ARHGAP24: variants seen among roughly 807,000 people sequenced by gnomAD.
ARHGAP24 encodes rho GTPase-activating protein 24.
Under a neutral mutation model 76.4 loss-of-function variants are expected in ARHGAP24, and 50 were observed. That is an observed-to-expected ratio of 0.65 (90% confidence interval 0.52 to 0.83). The LOEUF (loss-of-function observed/expected upper bound fraction) is 0.83, where lower values mean the gene tolerates loss of function less well. Ranked by LOEUF, ARHGAP24 falls within the 40% of genes least tolerant of loss-of-function variation. ARHGAP24 has a pLI of 0.00. For missense variants in ARHGAP24, 930 were observed against 914.2 expected (o/e 1.02, Z -0.22); for synonymous variants, 345 against 323.3 (o/e 1.07, Z -0.72).
intron 3 of ARHGAP24, among the ~76,000 whole-genome samples, chr4:85,881,460 G>GT (rs10707352): frequency 1.3e-5 from 2 of 151,372 alleles, no homozygotes; most frequent in African/African-American, 4.9e-5. Flanking sequence ...AGGGTTTTGT[G>GT]TTTTTTTTTT....
chr4:85,940,122 A>C (rs1736874279), intron 4 of ARHGAP24, among the ~76,000 whole-genome samples: 1 of 152,170 alleles, frequency 6.6e-6, no homozygotes, highest in African/African-American at 2.4e-5. Flanking sequence ...TTATTAAAAC[A>C]CTAGAATATC....
chr4:85,817,879 A>G (rs1054286162), intron 3 of ARHGAP24, among the ~76,000 whole-genome samples: 3 of 152,096 alleles, frequency 2.0e-5, no homozygotes, highest in African/African-American at 7.2e-5. Context: ...AGTCCCTATC[A>G]CTCTTTAGAT....
At chr4:85,553,696 T>C (rs2080332922) in intron 1 of ARHGAP24, among the ~76,000 whole-genome samples, 1 of 152,212 alleles carries the variant, frequency 6.6e-6, no homozygotes, top group Non-Finnish European at 1.5e-5. Context: ...CCCAGCTGGC[T>C]TCACCTCTCA....
At chr4:85,801,125 T>C (rs576648587) in intron 3 of ARHGAP24, among the ~76,000 whole-genome samples, 56 of 152,266 alleles carry the variant, frequency 3.7e-4, no homozygotes, top group African/African-American at 1.3e-3. Flanking sequence ...TTTATATTTT[T>C]TATCCTTTTT....
chr4:85,867,812 A>G (rs1374438973), intron 3 of ARHGAP24, among the ~76,000 whole-genome samples: 2 of 148,788 alleles, frequency 1.3e-5, no homozygotes, highest in Non-Finnish European at 3.0e-5. Flanking sequence ...AATTATATAT[A>G]TAAAACTAGT....
chr4:85,970,713 G>GCA (rs1411720372), intron 5 of ARHGAP24, among the ~76,000 whole-genome samples: 1 of 152,088 alleles, frequency 6.6e-6, no homozygotes, highest in South Asian at 2.1e-4. Context: ...ACTTCTCAGA[G>GCA]CACACCTCTC....
At chr4:85,655,382 AAG>A (rs1021013698) in intron 2 of ARHGAP24, among the ~76,000 whole-genome samples, 11 of 152,198 alleles carry the variant, frequency 7.2e-5, no homozygotes, top group Non-Finnish European at 1.3e-4. Context: ...TTTATACAAA[AAG>A]AGCTGAATAG....
At position 85,520,856 on chromosome 4, in the gene ARHGAP24, G is replaced by A. The variant is rs78205753; in HGVS notation, c.-21+45297G>A. On this transcript the variant is annotated intron_variant, in intron 1 of 9. Transcript: ENST00000395184. The stretch of plus-strand genomic sequence containing the variant: ...TGATTTGACCAATGAAGATAGAGAG[G>A]CACAGTGTGGTGTACTTAAGAAACA... 2.1e-3 allele frequency among the ~76,000 whole-genome samples: 321 copies of A among 152,216 alleles called. 3 individuals are homozygous for A. Among genetic ancestry groups the A allele is most frequent in the African/African-American group, 6.7e-3 (279 of 41,500 alleles).
intron 3 of ARHGAP24, among the ~76,000 whole-genome samples, chr4:85,860,631 G>A (rs1408143751): frequency 2.0e-5 from 3 of 151,996 alleles, no homozygotes; most frequent in African/African-American, 4.8e-5. Flanking sequence ...TGGGACGACC[G>A]TGAAATGATG....
At chr4:85,870,838 G>T (rs1244975314) in intron 3 of ARHGAP24, among the ~76,000 whole-genome samples, 1 of 152,128 alleles carries the variant, frequency 6.6e-6, no homozygotes, top group East Asian at 1.9e-4. Flanking sequence ...GGCAAGGAAA[G>T]AATAATACCT....
intron 2 of ARHGAP24, among the ~76,000 whole-genome samples, chr4:85,655,315 T>C (rs1722097580): frequency 6.6e-6 from 1 of 152,194 alleles, no homozygotes; most frequent in Non-Finnish European, 1.5e-5. Flanking sequence ...TGCAATCATA[T>C]TAATTTAGTA....
At chr4:85,840,017 C>CTTTTTTTTTT (rs70948759) in intron 3 of ARHGAP24, among the ~76,000 whole-genome samples, 948 of 115,746 alleles carry the variant, frequency 8.2e-3, no homozygotes, top group Non-Finnish European at 0.013. Context: ...GCCTGGCTAA[C>CTTTTTTTTTT]TTTTTTTTTT....
intron 3 of ARHGAP24, among the ~76,000 whole-genome samples, chr4:85,906,016 A>G (rs1392024562): frequency 1.3e-5 from 2 of 152,160 alleles, no homozygotes; most frequent in Admixed American, 1.3e-4. Context: ...GCTGTATTTA[A>G]CCTGGAGCTA....
At chr4:85,912,306 G>A (rs1735135977) in intron 3 of ARHGAP24, among the ~76,000 whole-genome samples, 1 of 151,970 alleles carries the variant, frequency 6.6e-6, no homozygotes, top group South Asian at 2.1e-4. Flanking sequence ...TAAATTCCAG[G>A]CCCATAAGAA....
intron 4 of ARHGAP24, among the ~76,000 whole-genome samples, chr4:85,940,250 G>T (rs896040714): frequency 6.6e-6 from 1 of 152,056 alleles, no homozygotes; most frequent in Admixed American, 6.6e-5. Context: ...CTGGACAAAG[G>T]TGCTGCCAGT....
intron 3 of ARHGAP24, among the ~76,000 whole-genome samples, chr4:85,783,421 T>C (rs1727656126): frequency 6.6e-6 from 1 of 152,196 alleles, no homozygotes; most frequent in Non-Finnish European, 1.5e-5. Flanking sequence ...CTTTGCTCAT[T>C]TGATTATTTC....
chr4:85,735,595 C>G lies in ARHGAP24; in HGVS notation c.268+13623C>G, dbSNP rs569095846. 5.3e-4 allele frequency among the ~76,000 whole-genome samples: 81 copies of G among 152,134 alleles called. 1 individual carries two copies. The highest frequency in any genetic ancestry group is 1.9e-3 in the African/African-American group (78 of 41,502). Reference sequence around the variant, plus strand: ...TTAGTTTTCATCCTACTCTATTGTCCCTGTCTCTTAGTCACCATTACTTGT... The same window carrying G: ...TTAGTTTTCATCCTACTCTATTGTCGCTGTCTCTTAGTCACCATTACTTGT... On this transcript the variant is annotated intron_variant, in intron 3 of 9. Coordinates refer to ENST00000395184, the MANE Select transcript of ARHGAP24 (RefSeq NM_001025616.3).
At chr4:85,740,498 C>G (rs1725781918) in intron 3 of ARHGAP24, among the ~76,000 whole-genome samples, 1 of 152,080 alleles carries the variant, frequency 6.6e-6, no homozygotes, top group South Asian at 2.1e-4. Context: ...GGTGAGTCAC[C>G]CCACCCAGCC....
intron 1 of ARHGAP24, among the ~76,000 whole-genome samples, chr4:85,510,681 T>C (rs542337322): frequency 5.9e-5 from 9 of 151,314 alleles, no homozygotes; most frequent in African/African-American, 1.9e-4. Flanking sequence ...TCATTTTTTT[T>C]CCACTGCTCT....
Sources: allele counts gnomAD v4.1 joint callset (sites outside exome capture counted in the v4.1 genomes callset), GRCh38; gene constraint gnomAD v4.1.1; transcripts MANE v1.5; gene names NCBI Gene and HGNC (gene_info 2026-07-23, HGNC 2026-07-21).